Variants in TBC1D8B observed in about 807,000 individuals in gnomAD.
TBC1D8B encodes TBC1 domain family member 8B.
In TBC1D8B, 75 loss-of-function variants were observed where a neutral mutation model predicts 82.9. That is an observed-to-expected ratio of 0.90 (90% CI 0.75 to 1.10). The LOEUF (loss-of-function observed/expected upper bound fraction) is 1.10, where lower values mean the gene tolerates loss of function less well. TBC1D8B is among the 50% of genes least tolerant of loss of function. TBC1D8B has a pLI of 0.00. For synonymous variants in TBC1D8B, 276 were observed against 276.8 expected, an observed-to-expected ratio of 1.00 and a Z score of 0.03; for missense variants, 794 against 796.9, an observed-to-expected ratio of 1.00 and a Z score of 0.04.
At chrX:106,809,387 A>G (rs780379963) in intron 1 of TBC1D8B, among the ~76,000 whole-genome samples, 2 of 111,819 alleles carry the variant, frequency 1.8e-5, no homozygotes, top group Admixed American at 1.9e-4. Context: ...TTGGTATATT[A>G]GAGAAATTGG....
rs775470458 is a variant in TBC1D8B at position 106,820,938 on chromosome X, C to G, written c.303C>G (p.Thr101=). ...GGTTGGAACAAAATATTATGAAGAC[C>G]TTATCTGTATTTGATTCAAATGAAG... ...WDWLEQNIMK[T]LSVFDSNEDI... The change falls in exon 3 of 21, where the codon ACC becomes ACG. Residue 101 remains threonine (T), a synonymous_variant. Coordinates refer to ENST00000357242, the MANE Select transcript of TBC1D8B (RefSeq NM_017752.3). 1.4e-5 allele frequency: 17 copies of G among 1,184,189 alleles called. No homozygotes were observed. The African/African-American group carries it at 1.8e-4, about 12-fold the overall frequency.
intron 5 of TBC1D8B, among the ~76,000 whole-genome samples, chrX:106,825,412 G>A (rs1931812838): frequency 9.0e-6 from 1 of 111,294 alleles, no homozygotes; most frequent in South Asian, 3.7e-4. Flanking sequence ...TTTACACAAA[G>A]GCTACATTTG....
intron 11 of TBC1D8B, 80 bp from the exon 12 acceptor site, chrX:106,849,945 A>C: frequency 9.1e-7 from 1 of 1,104,253 alleles, no homozygotes; most frequent in African/African-American, 1.8e-5. Flanking sequence ...ATACATCAGC[A>C]TGCTAATAGA....
chrX:106,847,889 A>C (rs184723019), intron 10 of TBC1D8B, among the ~76,000 whole-genome samples: 1 of 111,608 alleles, frequency 9.0e-6, no homozygotes, highest in African/African-American at 3.2e-5. Context: ...GATTAGTGAT[A>C]ATTAAGGTTT....
intron 15 of TBC1D8B, 40 bp downstream of exon 15, chrX:106,865,667 T>G (rs1368339989): frequency 8.9e-7 from 1 of 1,119,227 alleles, no homozygotes; most frequent in Non-Finnish European, 1.2e-6. Context: ...AATGCTTTTT[T>G]TTAGCAGAAT....
At chrX:106,803,022 C>T (rs1159914985) in intron 1 of TBC1D8B, 39 bp downstream of exon 1, 11 of 1,158,166 alleles carry the variant, frequency 9.5e-6, no homozygotes, top group Admixed American at 7.5e-5. Flanking sequence ...GGGCTGTGTT[C>T]GCTGTTACTT....
At chrX:106,840,335 A>C (rs1401941158) in intron 9 of TBC1D8B, 137 bp downstream of exon 9, 1 of 644,459 alleles carries the variant, frequency 1.6e-6, no homozygotes, top group East Asian at 3.5e-5. Flanking sequence ...GACTAGTCAA[A>C]GAAAGAAAGG....
Position 106,850,324 on chromosome X carries a change from CATAACATTTAAATCTGGAGGAG to C in TBC1D8B, c.2123+17_2123+38del, listed in dbSNP as rs1191318628. ...AGCCTTAAACAGGTATTGTAAGAAC[CATAACATTTAAATCTGGAGGAG>C]ATTTGAGAGATGATGTTGTTCAATC... On this transcript the variant is annotated intron_variant, in intron 12 of 20. Transcript: ENST00000357242. 14 of 1,163,164 alleles carry C rather than the reference CATAACATTTAAATCTGGAGGAG, an allele frequency of 1.2e-5. No homozygotes were observed. The highest frequency in any genetic ancestry group is 1.6e-5 in the Non-Finnish European group (14 of 871,541).
intron 1 of TBC1D8B, among the ~76,000 whole-genome samples, chrX:106,813,363 A>T (rs1454223043): frequency 8.9e-6 from 1 of 112,027 alleles, no homozygotes; most frequent in Non-Finnish European, 1.9e-5. Flanking sequence ...CTAGAAATGT[A>T]GTCTAGCACT....
At chrX:106,840,357 C>T (rs1932275744) in intron 9 of TBC1D8B, among the ~76,000 whole-genome samples, 159 bp downstream of exon 9, 2 of 111,686 alleles carry the variant, frequency 1.8e-5, no homozygotes, top group African/African-American at 6.5e-5. Flanking sequence ...AAGTAGTTAT[C>T]TATACCTTAC....
At chrX:106,810,152 A>AT (rs1210947291) in intron 1 of TBC1D8B, among the ~76,000 whole-genome samples, 15 of 111,791 alleles carry the variant, frequency 1.3e-4, no homozygotes, top group African/African-American at 3.9e-4. Context: ...GTGATTAATA[A>AT]TAGGTGGTGT....
At chrX:106,862,158 A>T (rs1932780393) in intron 14 of TBC1D8B, among the ~76,000 whole-genome samples, 1 of 111,354 alleles carries the variant, frequency 9.0e-6, no homozygotes, top group East Asian at 2.8e-4. Flanking sequence ...CCTTATCTCT[A>T]GCTGCCTTTA....
intron 4 of TBC1D8B, 116 bp downstream of exon 4, chrX:106,822,318 A>G: frequency 1.7e-6 from 1 of 603,397 alleles, no homozygotes; most frequent in African/African-American, 2.3e-5. Flanking sequence ...ATTAAACTGT[A>G]CAATAAAAAG....
chrX:106,859,357 A>C (rs943343485), intron 14 of TBC1D8B, among the ~76,000 whole-genome samples: 1 of 111,300 alleles, frequency 9.0e-6, no homozygotes, highest in African/African-American at 3.3e-5. Context: ...AATGTTTTTC[A>C]TTTGCTTGTG....
intron 14 of TBC1D8B, among the ~76,000 whole-genome samples, chrX:106,862,791 T>TG (rs1569455879): frequency 4.1e-5 from 4 of 96,987 alleles, no homozygotes; most frequent in Non-Finnish European, 8.3e-5. Context: ...TTTTTTTTTT[T>TG]TTTTTTTTTT....
chrX:106,848,936 A>G (rs1243249045), intron 11 of TBC1D8B, among the ~76,000 whole-genome samples: 1 of 98,798 alleles, frequency 1.0e-5, no homozygotes, highest in African/African-American at 3.7e-5. Context: ...CGCCTGGCTA[A>G]TTTTTTTTTT....
At chrX:106,858,764 T>G (rs1024638285) in intron 14 of TBC1D8B, among the ~76,000 whole-genome samples, 3 of 112,431 alleles carry the variant, frequency 2.7e-5, no homozygotes, top group Admixed American at 9.4e-5. Context: ...TTTGGCATTT[T>G]TGTTGTGAAA....
intron 18 of TBC1D8B, among the ~76,000 whole-genome samples, chrX:106,868,718 T>A (rs1201177861): frequency 1.8e-5 from 2 of 112,232 alleles, no homozygotes; most frequent in African/African-American, 6.5e-5. Flanking sequence ...TGTTTCTACT[T>A]ACGTTGCAGA....
intron 6 of TBC1D8B, among the ~76,000 whole-genome samples, 159 bp downstream of exon 6, chrX:106,826,396 G>A (rs1259332050): frequency 9.0e-6 from 1 of 111,407 alleles, no homozygotes; most frequent in Non-Finnish European, 1.9e-5. Context: ...ACAGCCTTCT[G>A]AGATATTCTC....
Sources: gnomAD v4.1 joint callset for allele counts (sites outside exome capture counted in the v4.1 genomes callset) on GRCh38, gnomAD v4.1.1 for gene constraint, MANE v1.5 for transcripts, NCBI Gene and HGNC (gene_info 2026-07-23, HGNC 2026-07-21) for gene names.